The following LARGE1 variants were observed in gnomAD, a reference collection of about 807,000 sequenced individuals.
LARGE1 encodes the protein LARGE xylosyl- and glucuronyltransferase 1.
A neutral mutation model predicts 87.6 loss-of-function variants in LARGE1; 43 were observed. That is an observed-to-expected ratio of 0.49 (90% CI 0.38 to 0.63). LARGE1 has a LOEUF of 0.63. Among genes scored for constraint, LARGE1 ranks in the 30% least tolerant of loss-of-function variants. The pLI is 0.00. For synonymous variants in LARGE1, 434 were observed against 394.6 expected, an observed-to-expected ratio of 1.10 and a Z score of -1.18; for missense variants, 802 against 1,000.2, an observed-to-expected ratio of 0.80 and a Z score of 2.67.
At chr22:33,262,554 C>A (rs550446712) in intron 11 of LARGE1, among the ~76,000 whole-genome samples, 10 of 152,240 alleles carry the variant, frequency 6.6e-5, no homozygotes, top group African/African-American at 2.2e-4. Flanking sequence ...GCTGGAAGAT[C>A]TTCAGTGCCC....
At chr22:33,550,465 A>C (rs539108916) in intron 6 of LARGE1, among the ~76,000 whole-genome samples, 88 of 152,338 alleles carry the variant, frequency 5.8e-4, no homozygotes, top group Non-Finnish European at 1.1e-3. Context: ...TGAACATCCC[A>C]CAGTGTGAAA....
chr22:33,522,036 C>T (rs772019987), intron 6 of LARGE1, among the ~76,000 whole-genome samples: 1 of 152,122 alleles, frequency 6.6e-6, no homozygotes, highest in African/African-American at 2.4e-5. Flanking sequence ...CTCATGTGAA[C>T]TCGGAGCAAG....
intron 6 of LARGE1, among the ~76,000 whole-genome samples, chr22:33,535,009 C>T (rs1310273505): frequency 3.3e-5 from 5 of 152,214 alleles, no homozygotes; most frequent in Admixed American, 6.5e-5. Context: ...GCATCATTAT[C>T]ACAATCTTGG....
At chr22:33,461,092 C>A (rs181345163) in intron 6 of LARGE1, among the ~76,000 whole-genome samples, 23 of 152,152 alleles carry the variant, frequency 1.5e-4, no homozygotes, top group Non-Finnish European at 2.4e-4. Context: ...TGAATTCAAC[C>A]CCAGAAGACT....
intron 1 of LARGE1, among the ~76,000 whole-genome samples, chr22:33,833,158 A>G (rs865914153): frequency 2.0e-5 from 3 of 152,318 alleles, no homozygotes; most frequent in Middle Eastern, 6.8e-3. Context: ...ACCTTTTATT[A>G]CATTATCTCC....
chr22:33,585,936 C>A (rs911062729), intron 5 of LARGE1, among the ~76,000 whole-genome samples: 1 of 152,204 alleles, frequency 6.6e-6, no homozygotes, highest in African/African-American at 2.4e-5. Flanking sequence ...CGACCTCAAA[C>A]GATCCACCTG....
At chr22:33,165,264 G>A (rs923717279) in exon 12 of LARGE1, 2 of 152,210 alleles carry the variant, frequency 1.3e-5, no homozygotes, top group African/African-American at 4.8e-5. Flanking sequence ...AAACCTTGAT[G>A]ATAGTTGAGA....
Position 33,253,383 on chromosome 22 carries a change from G to A in LARGE1, c.1730+50846C>T, listed in dbSNP as rs562906151. ...AGAGGGTGAAAGAAGATGGAGGAAC[G>A]CCTCTGAGACTGTAAGTATGTTGGG... On this transcript the variant is annotated intron_variant, in intron 11 of 11. Coordinates refer to the LARGE1 transcript ENST00000608642. Among the ~76,000 whole-genome samples, 54 of 152,288 alleles carry A rather than the reference G, an allele frequency of 3.5e-4. No individual in the cohort carries two copies. In the South Asian group the frequency reaches 5.2e-3, roughly 15 times the overall value.
intron 6 of LARGE1, among the ~76,000 whole-genome samples, chr22:33,466,776 C>T (rs1435691991): frequency 3.3e-5 from 5 of 151,996 alleles, no homozygotes; most frequent in Admixed American, 6.6e-5. Context: ...TGGTGGCTCA[C>T]GCCTGTAACC....
chr22:33,310,959 C>T (rs73166244), intron 11 of LARGE1, among the ~76,000 whole-genome samples: 1,580 of 150,540 alleles, frequency 0.01, 15 homozygotes, highest in Non-Finnish European at 0.017. Flanking sequence ...GAGTGGGGCC[C>T]GGACTTTTTT....
intron 9 of LARGE1, among the ~76,000 whole-genome samples, chr22:33,351,011 ATTTC>A (rs1333348727): frequency 1.3e-5 from 2 of 152,110 alleles, no homozygotes; most frequent in African/African-American, 2.4e-5. Flanking sequence ...TTAGCCTTAG[ATTTC>A]TTTATGTTTT....
At chr22:33,341,088 T>C (rs1263503216) in intron 9 of LARGE1, among the ~76,000 whole-genome samples, 2 of 152,104 alleles carry the variant, frequency 1.3e-5, no homozygotes, top group African/African-American at 4.8e-5. Flanking sequence ...GTGGAAAGCC[T>C]AATCGCCAAG....
chr22:33,698,311 C>T (rs1286962151), intron 2 of LARGE1, among the ~76,000 whole-genome samples: 3 of 144,544 alleles, frequency 2.1e-5, no homozygotes, highest in Admixed American at 7.0e-5. Context: ...TAGCCTCAAG[C>T]GATCTGCCCG....
chr22:33,128,534 G>C, the LARGE1 span, among the ~76,000 whole-genome samples: 1 of 152,046 alleles, frequency 6.6e-6, no homozygotes, highest in African/African-American at 2.4e-5. Flanking sequence ...AATTAGCCAG[G>C]CATGGTGGCA....
chr22:33,402,456 C>G (rs1227127446), intron 7 of LARGE1, among the ~76,000 whole-genome samples: 1 of 152,134 alleles, frequency 6.6e-6, no homozygotes, highest in Non-Finnish European at 1.5e-5. Flanking sequence ...AGCAAGAATA[C>G]AGTCACCTCC....
chr22:33,527,469 A>G (rs115645796), intron 6 of LARGE1, among the ~76,000 whole-genome samples: 2,043 of 152,286 alleles, frequency 0.013, 50 homozygotes, highest in African/African-American at 0.047. Flanking sequence ...TTCCCAGGGG[A>G]CAGAAATTCT....
chr22:33,271,039 T>A (rs1339428617), downstream of LARGE1, among the ~76,000 whole-genome samples: 1 of 152,200 alleles, frequency 6.6e-6, no homozygotes, highest in Admixed American at 6.5e-5. Context: ...TGTCTGAATA[T>A]GATTATAGAT....
At chr22:33,540,940 C>T (rs1363606184) in intron 6 of LARGE1, among the ~76,000 whole-genome samples, 1 of 151,218 alleles carries the variant, frequency 6.6e-6, no homozygotes, top group Non-Finnish European at 1.5e-5. Context: ...TCAAGACCAG[C>T]TTGGGCAACG....
intron 2 of LARGE1, chr22:33,733,550 T>G (rs1229281699): frequency 6.6e-6 from 1 of 152,236 alleles, no homozygotes; most frequent in African/African-American, 2.4e-5. Context: ...CATGTTAATT[T>G]GCATTTGAAA....
Sources: allele counts gnomAD v4.1 joint callset (sites outside exome capture counted in the v4.1 genomes callset), GRCh38; gene constraint gnomAD v4.1.1; transcripts MANE v1.5; gene names NCBI Gene and HGNC (gene_info 2026-07-23, HGNC 2026-07-21).